Variants in AFAP1 observed in about 807,000 individuals in gnomAD.
AFAP1 encodes actin filament-associated protein 1.
AFAP1 carries 75 observed loss-of-function variants against 93.9 expected under a neutral mutation model. That is an observed-to-expected ratio of 0.80 (90% CI 0.66 to 0.97). The LOEUF (loss-of-function observed/expected upper bound fraction) is 0.97, where lower values mean the gene tolerates loss of function less well. Among genes scored for constraint, AFAP1 ranks in the 50% least tolerant of loss-of-function variants. The pLI, the probability that AFAP1 is intolerant of heterozygous loss-of-function variation, is 0.00. For synonymous variants in AFAP1, 517 were observed against 430.7 expected, an observed-to-expected ratio of 1.20 and a Z score of -2.48; for missense variants, 1,201 against 1,050.8, an observed-to-expected ratio of 1.14 and a Z score of -1.98.
intron 6 of AFAP1, among the ~76,000 whole-genome samples, chr4:7,831,343 T>C (rs1249579301): frequency 6.6e-6 from 1 of 150,650 alleles, no homozygotes; most frequent in African/African-American, 2.4e-5. Flanking sequence ...TTAGAAAAGA[T>C]ACTTTACCCC....
rs1015838280 is a variant in AFAP1, at chr4:7,758,743, G to A, written c.*5022C>T. 1.3e-5 allele frequency: 2 copies of A among 152,114 alleles called. No individual in the cohort carries two copies. The highest frequency in any genetic ancestry group is 4.8e-5 in the African/African-American group (2 of 41,406). The allele number at this position is 152,114 out of a possible 1,614,324, so 9.4% of individuals were successfully genotyped here. The stretch of plus-strand genomic sequence containing the variant: ...GGAGAGAAGTTTATTCATACACAAA[G>A]GGGCACGCCAAGGGCGCCAGTCTAG... On this transcript the variant is annotated 3_prime_UTR_variant, in exon 18 of 18. Transcript: ENST00000420658.
chr4:7,937,582 G>A (rs539419015), intron 1 of AFAP1, among the ~76,000 whole-genome samples: 37 of 152,144 alleles, frequency 2.4e-4, no homozygotes, highest in Non-Finnish European at 5.3e-4. Flanking sequence ...CGCCTCCTGG[G>A]TTCAAGCTAT....
intron 16 of AFAP1, among the ~76,000 whole-genome samples, chr4:7,769,736 T>G (rs1403275839): frequency 6.6e-6 from 1 of 152,212 alleles, no homozygotes. Context: ...CAAAATGTGT[T>G]TGTTATGTAA....
chr4:7,902,101 C>A (rs1719146864), intron 1 of AFAP1, among the ~76,000 whole-genome samples: 1 of 152,214 alleles, frequency 6.6e-6, no homozygotes, highest in South Asian at 2.1e-4. Flanking sequence ...GCCATGATTT[C>A]TAACCAGTCA....
chr4:7,868,648 G>C lies in AFAP1; in HGVS notation c.199C>G (p.Leu67Val), dbSNP rs1330840520. ...NSLPAPPQMPLPEIPQPWLPP... is the reference protein window; with the variant it reads ...NSLPAPPQMPVPEIPQPWLPP... ...AGCCAGGGCTGAGGGATCTCCGGCAGGGGCATCTGAGGAGGGGCTGGCAGG... is the reference window on the plus strand; with the variant it reads ...AGCCAGGGCTGAGGGATCTCCGGCACGGGCATCTGAGGAGGGGCTGGCAGG... The change falls in exon 3 of 18, where the codon CTG becomes GTG. Residue 67 changes from leucine (L) to valine (V), a missense_variant. By Grantham distance (32) the Leu-to-Val change is conservative. Coordinates refer to ENST00000420658, the MANE Select transcript of AFAP1 (RefSeq NM_001134647.2). 1 of 1,612,766 alleles carries C rather than the reference G, an allele frequency of 6.2e-7. No homozygotes were observed. The highest frequency in any genetic ancestry group is 8.5e-7 in the Non-Finnish European group (1 of 1,179,828).
intron 8 of AFAP1, 100 bp downstream of exon 8, chr4:7,815,918 G>A: frequency 9.6e-7 from 1 of 1,045,384 alleles, no homozygotes; most frequent in East Asian, 2.4e-5. Flanking sequence ...AATCACCCAG[G>A]ACATTTTTCG....
intron 1 of AFAP1, among the ~76,000 whole-genome samples, chr4:7,903,665 C>T (rs1719241799): frequency 6.6e-6 from 1 of 152,016 alleles, no homozygotes; most frequent in African/African-American, 2.4e-5. Context: ...GGTGACACAG[C>T]AAGACTGTGT....
chr4:7,855,905 A>C (rs1300680646), intron 3 of AFAP1, among the ~76,000 whole-genome samples: 1 of 152,142 alleles, frequency 6.6e-6, no homozygotes, highest in African/African-American at 2.4e-5. Context: ...ATGCTGCCCC[A>C]GGGGTCTGAG....
intron 1 of AFAP1, among the ~76,000 whole-genome samples, chr4:7,909,072 AG>A (rs1183702608): frequency 1.3e-5 from 2 of 152,244 alleles, no homozygotes; most frequent in African/African-American, 4.8e-5. Context: ...CTTTGGTTCG[AG>A]GGGTAAGGGT....
chr4:7,919,705 C>T (rs914958100), intron 1 of AFAP1, among the ~76,000 whole-genome samples: 2 of 151,840 alleles, frequency 1.3e-5, no homozygotes, highest in African/African-American at 2.4e-5. Context: ...TAAATGTGTG[C>T]CATGGTGGTT....
At chr4:7,898,235 C>A (rs559389058) in intron 1 of AFAP1, among the ~76,000 whole-genome samples, 2 of 152,226 alleles carry the variant, frequency 1.3e-5, no homozygotes, top group South Asian at 4.2e-4. Context: ...CATGGTGAAA[C>A]CCCTCTAATA....
At chr4:7,845,295 G>A (rs1043830165) in intron 4 of AFAP1, among the ~76,000 whole-genome samples, 2 of 151,914 alleles carry the variant, frequency 1.3e-5, no homozygotes, top group African/African-American at 4.8e-5. Flanking sequence ...GGTAGGGCAC[G>A]CCTGTGGTCC....
chr4:7,916,534 C>T (rs1720092255), intron 1 of AFAP1, among the ~76,000 whole-genome samples: 1 of 152,242 alleles, frequency 6.6e-6, no homozygotes, highest in African/African-American at 2.4e-5. Context: ...CCAGCGAAAC[C>T]AGCATCAAGT....
chr4:7,925,551 A>T (rs902260472), intron 1 of AFAP1, among the ~76,000 whole-genome samples: 2 of 151,988 alleles, frequency 1.3e-5, no homozygotes, highest in African/African-American at 4.8e-5. Context: ...CATTCTTACT[A>T]AAAATACAAA....
chr4:7,933,389 A>G (rs764997289), intron 1 of AFAP1, among the ~76,000 whole-genome samples: 2 of 152,176 alleles, frequency 1.3e-5, no homozygotes, highest in East Asian at 1.9e-4. Flanking sequence ...CCTGGCCAAC[A>G]TGGTGAAACC....
At chr4:7,930,138 C>T (rs937290293) in intron 1 of AFAP1, among the ~76,000 whole-genome samples, 4 of 152,218 alleles carry the variant, frequency 2.6e-5, no homozygotes, top group African/African-American at 4.8e-5. Context: ...ACACAAAGTG[C>T]TTGGCACTTA....
In AFAP1 at chr4:7,780,504, C is replaced by A. The variant is rs79372513; in HGVS notation, c.1782+872G>T. On this transcript the variant is annotated intron_variant, in intron 13 of 17. Coordinates refer to ENST00000420658, the MANE Select transcript of AFAP1 (RefSeq NM_001134647.2). ...CTTAGGTCTTTAGGCAAAGCATGAACAATTCTTAGGTTAAATATGCATGAT... is the reference window on the plus strand; with the variant it reads ...CTTAGGTCTTTAGGCAAAGCATGAAAAATTCTTAGGTTAAATATGCATGAT... Among the ~76,000 whole-genome samples, 1,159 of 152,252 alleles carry A rather than the reference C, an allele frequency of 7.6e-3. 14 individuals carry two copies. The highest frequency in any genetic ancestry group is 0.02 in the Middle Eastern group (6 of 294).
chr4:7,916,047 G>T (rs577887351), intron 1 of AFAP1, among the ~76,000 whole-genome samples: 78 of 152,278 alleles, frequency 5.1e-4, no homozygotes, highest in African/African-American at 1.8e-3. Context: ...CCACCTGCTG[G>T]GGAGAGGCAC....
At position 7,811,240 on chromosome 4, in the gene AFAP1, A is replaced by T. The variant is rs187498537; in HGVS notation, c.905-1477T>A. Among the ~76,000 whole-genome samples, 4 of 150,730 alleles carry T rather than the reference A, an allele frequency of 2.7e-5. No homozygotes were observed. The Admixed American group carries it at 2.7e-4, about 10-fold the overall frequency. ...CCCTTTCCCCTTCATCTCCAGCATG[A>T]ATCCCTCAACCCGCTGGCTGCGGAG... On this transcript the variant is annotated intron_variant, in intron 8 of 17. Transcript: ENST00000420658.
Sources: gnomAD v4.1 joint callset for allele counts (sites outside exome capture counted in the v4.1 genomes callset) on GRCh38, gnomAD v4.1.1 for gene constraint, MANE v1.5 for transcripts, NCBI Gene and HGNC (gene_info 2026-07-23, HGNC 2026-07-21) for gene names.